Variants in RACGAP1 observed in about 807,000 individuals in gnomAD.
RACGAP1 encodes Rac GTPase activating protein 1, also known as rac GTPase-activating protein 1.
RACGAP1 carries 30 observed loss-of-function variants against 78.1 expected under a neutral mutation model. The ratio of observed to expected loss-of-function variants is 0.38; its 90% CI spans 0.29 to 0.52. The LOEUF is 0.52. Among genes scored for constraint, RACGAP1 ranks in the 20% least tolerant of loss-of-function variants. RACGAP1 has a pLI of 0.82. For synonymous variants in RACGAP1, 231 were observed against 264.8 expected, an observed-to-expected ratio of 0.87 and a Z score of 1.24; for missense variants, 587 against 777.1, an observed-to-expected ratio of 0.76 and a Z score of 2.91.
chr12:50,023,422 TAAG>T (rs1950109908), intron 1 of RACGAP1, among the ~76,000 whole-genome samples: 1 of 152,210 alleles, frequency 6.6e-6, no homozygotes, highest in Admixed American at 6.5e-5. Context: ...ACTTTGCACT[TAAG>T]AAATACCTAT....
chr12:49,997,075 G>A lies in RACGAP1; in HGVS notation c.1009C>T (p.Pro337Ser), dbSNP rs771697779. The A allele has an allele frequency of 3.1e-6, 5 of 1,590,620 alleles. No homozygotes were observed. In the East Asian group the frequency reaches 6.8e-5, roughly 22 times the overall value. The change falls in exon 10 of 17, where the codon CCT becomes TCT. Residue 337 changes from proline (P) to serine (S), a missense_variant. Coordinates refer to ENST00000312377, the MANE Select transcript of RACGAP1 (RefSeq NM_001319999.2). ...CRDRCPLPCI[P>S]TLIGTPVKIG... ...TTGACAGGTGTTCCTATCAGGGTAG[G>A]AATGCAGGGAAGGGGACAGCGGTCC...
At position 49,994,486 on chromosome 12, in the gene RACGAP1, G is replaced by A; in HGVS notation, c.1068C>T (p.Ser356=). The A allele has an allele frequency of 1.2e-6, 2 of 1,613,450 alleles. No individual in the cohort carries two copies. The highest frequency in any genetic ancestry group is 8.5e-7 in the Non-Finnish European group (1 of 1,179,906). ...TGGAGGGGATCATTGGAGAAGTCTG[G>A]GACACAAAGTCTGCCAGCATTCCCT... ...IGEGMLADFV[S]QTSPMIPSIV... The change falls in exon 11 of 17, where the codon TCC becomes TCT. Residue 356 remains serine, a synonymous_variant. Transcript: ENST00000312377.
upstream of RACGAP1, among the ~76,000 whole-genome samples, chr12:50,029,077 G>A (rs570663279): frequency 9.2e-5 from 14 of 152,202 alleles, 1 homozygote; most frequent in Admixed American, 3.9e-4. Flanking sequence ...TTAGCCAGGC[G>A]TGGCGGCGTG....
At chr12:50,019,726 AAAG>A (rs1165805678) in intron 1 of RACGAP1, 1 of 151,268 alleles carries the variant, frequency 6.6e-6, no homozygotes. Context: ...AAATAAATAA[AAAG>A]GTCCTGGGAC....
In RACGAP1 at chr12:49,992,640, T is replaced by A. The variant is rs750777080; in HGVS notation, c.1355A>T (p.Asp452Val). Residue 452 changes from aspartate to valine, a missense_variant, in exon 13 of 17, where the codon GAC becomes GTC. Transcript: ENST00000312377. ...TTGGTACATGGCAGCTATGCTGTTG[T>A]CTTCATCTGTGATTTCTGTAATTGA... Reference protein sequence around the residue: ...FMEAAEITDEDNSIAAMYQAV... With the variant: ...FMEAAEITDEVNSIAAMYQAV... 1.2e-6 allele frequency: 2 copies of A among 1,611,146 alleles called. No homozygotes were observed. Among genetic ancestry groups the A allele is most frequent in the Admixed American group, 1.7e-5 (1 of 59,138 alleles).
chr12:50,031,611 G>A, intron 2 of RACGAP1: 1 of 863,744 alleles, frequency 1.2e-6, no homozygotes, highest in Non-Finnish European at 1.4e-6. Flanking sequence ...ATTTCCACCT[G>A]GGGCCTTCAA....
In RACGAP1 at chr12:49,990,347, C is replaced by T; in HGVS notation, c.1824-4G>A. The stretch of plus-strand genomic sequence containing the variant: ...AGACTTGCTTTTGCTCCCAAATCTA[C>T]AATAAAAAGAGAATGAACTGGAAAA... On this transcript the variant is annotated splice_polypyrimidine_tract_variant and splice_region_variant and intron_variant, in intron 16 of 16. Transcript: ENST00000312377. The T allele has an allele frequency of 6.2e-7, 1 of 1,609,798 alleles. No homozygotes were observed. The highest frequency in any genetic ancestry group is 8.5e-7 in the Non-Finnish European group (1 of 1,176,290).
chr12:50,029,757 G>A (rs1023364446), upstream of RACGAP1, among the ~76,000 whole-genome samples: 48 of 151,994 alleles, frequency 3.2e-4, no homozygotes, highest in African/African-American at 1.1e-3. Context: ...GCTGGGCGTG[G>A]TGGCGGGCGC....
At chr12:49,995,421 A>G (rs1415523978) in intron 10 of RACGAP1, among the ~76,000 whole-genome samples, 1 of 152,188 alleles carries the variant, frequency 6.6e-6, no homozygotes, top group Non-Finnish European at 1.5e-5. Flanking sequence ...GATCAGGGGA[A>G]AATAATATTT....
At position 50,004,387 on chromosome 12, in the gene RACGAP1, G is replaced by C. The variant is rs546340255; in HGVS notation, c.426-83C>G. The C allele has an allele frequency of 1.2e-5, 18 of 1,516,486 alleles. No individual in the cohort carries two copies. In the Middle Eastern group the frequency reaches 1.2e-3, roughly 101 times the overall value. 93.9% of individuals were successfully genotyped at this position (1,516,486 alleles called of 1,614,324 possible). On this transcript the variant is annotated intron_variant, in intron 4 of 16. Transcript: ENST00000312377. ...CCAACATTCAGAACAAGTCCTACTGGTCAGGTAACATCAGTTAATTTCATA... is the reference window on the plus strand; with the variant it reads ...CCAACATTCAGAACAAGTCCTACTGCTCAGGTAACATCAGTTAATTTCATA...
intron 15 of RACGAP1, among the ~76,000 whole-genome samples, 165 bp downstream of exon 15, chr12:49,991,833 G>GA (rs1027363008): frequency 2.6e-5 from 4 of 151,788 alleles, no homozygotes; most frequent in African/African-American, 9.7e-5. Context: ...TATGGATAAA[G>GA]AAAGGAGAAC....
At chr12:49,999,842 A>G in intron 7 of RACGAP1, 109 bp from the exon 8 acceptor site, 1 of 813,604 alleles carries the variant, frequency 1.2e-6, no homozygotes, top group Non-Finnish European at 2.1e-6. Flanking sequence ...TCAAGACTTA[A>G]GACCCCAGTC....
upstream of RACGAP1, among the ~76,000 whole-genome samples, chr12:50,027,950 G>A (rs1950295451): frequency 6.6e-6 from 1 of 152,220 alleles, no homozygotes; most frequent in Non-Finnish European, 1.5e-5. Flanking sequence ...TGCTTCTTGA[G>A]TAGCTTTGGC....
At chr12:49,996,628 T>A (rs1388397996) in intron 10 of RACGAP1, among the ~76,000 whole-genome samples, 5 of 18,990 alleles carry the variant, frequency 2.6e-4, no homozygotes, top group African/African-American at 1.1e-3. Context: ...GCAATAGAGC[T>A]AAAAAAAAAA....
intron 2 of RACGAP1, among the ~76,000 whole-genome samples, chr12:50,010,872 C>T (rs543508506): frequency 6.6e-6 from 1 of 150,998 alleles, no homozygotes; most frequent in South Asian, 2.1e-4. Context: ...GTGGAGGTTG[C>T]AGTGAGCCGA....
rs1418834008 is a variant in RACGAP1 at position 49,994,263 on chromosome 12, C to T, written c.1207G>A (p.Val403Met). ...TTGCTGAGGAGGGGTACAGTTTTCA[C>T]TCTGAGGAATTTCTCTTTCAGCTCT... Reference protein sequence around the residue: ...VKELKEKFLRVKTVPLLSKVD... With the variant: ...VKELKEKFLRMKTVPLLSKVD... Residue 403 changes from valine to methionine, a missense_variant, in exon 12 of 17, where the codon GTG becomes ATG. By Grantham distance (21) the Val-to-Met change is conservative. Coordinates refer to ENST00000312377, the MANE Select transcript of RACGAP1 (RefSeq NM_001319999.2). 2.5e-6 allele frequency: 4 copies of T among 1,614,162 alleles called. No individual in the cohort carries two copies. The highest frequency in any genetic ancestry group is 2.2e-5 in the East Asian group (1 of 44,882).
At chr12:49,995,636 C>T (rs145448091) in intron 10 of RACGAP1, among the ~76,000 whole-genome samples, 4 of 152,072 alleles carry the variant, frequency 2.6e-5, no homozygotes, top group South Asian at 2.1e-4. Context: ...CAAACACAGG[C>T]GCACACCACT....
intron 1 of RACGAP1, among the ~76,000 whole-genome samples, chr12:50,023,323 T>C (rs780278357): frequency 6.6e-6 from 1 of 152,220 alleles, no homozygotes; most frequent in Non-Finnish European, 1.5e-5. Context: ...TGTATAGGCT[T>C]ACCAGACTCA....
At chr12:50,022,629 A>T (rs1950072179) in intron 1 of RACGAP1, among the ~76,000 whole-genome samples, 2 of 152,102 alleles carry the variant, frequency 1.3e-5, no homozygotes, top group African/African-American at 4.8e-5. Context: ...ATAGCAAAAC[A>T]AAAATCTCAC....
Sources: gnomAD v4.1 joint callset for allele counts (sites outside exome capture counted in the v4.1 genomes callset) on GRCh38, gnomAD v4.1.1 for gene constraint, MANE v1.5 for transcripts, NCBI Gene and HGNC (gene_info 2026-07-23, HGNC 2026-07-21) for gene names.